BCAR3: variants seen among roughly 807,000 people sequenced by gnomAD.
The protein encoded by BCAR3 is BCAR3 adaptor protein, NSP family member, also known as breast cancer anti-estrogen resistance protein 3.
In BCAR3, 37 loss-of-function variants were observed where a neutral mutation model predicts 80.1. The observed-to-expected ratio is 0.46, with a 90% CI of 0.36 to 0.61. BCAR3 has a LOEUF of 0.61. Among genes scored for constraint, BCAR3 ranks in the 20% least tolerant of loss-of-function variants. The pLI is 0.00. For missense variants in BCAR3, 978 were observed against 1,068.2 expected (o/e 0.92, Z 1.18); for synonymous variants, 389 against 418.9 (o/e 0.93, Z 0.87).
At chr1:93,708,988 T>C (rs1042340610) in intron 2 of BCAR3, among the ~76,000 whole-genome samples, 1 of 152,090 alleles carries the variant, frequency 6.6e-6, no homozygotes, top group African/African-American at 2.4e-5. Flanking sequence ...CTCACAACTT[T>C]CATATCAGGA....
At chr1:93,644,724 C>T (rs1211183895) in intron 2 of BCAR3, among the ~76,000 whole-genome samples, 4 of 152,102 alleles carry the variant, frequency 2.6e-5, no homozygotes, top group African/African-American at 9.7e-5. Context: ...GACTCAGGAC[C>T]CTGAAGGAGT....
chr1:93,669,307 T>C (rs1156816016), intron 2 of BCAR3, among the ~76,000 whole-genome samples: 1 of 152,216 alleles, frequency 6.6e-6, no homozygotes, highest in African/African-American at 2.4e-5. Context: ...AGCCCAGAGT[T>C]AGGGCTTTAA....
At chr1:93,659,691 A>G (rs191007951) in intron 2 of BCAR3, among the ~76,000 whole-genome samples, 2 of 152,170 alleles carry the variant, frequency 1.3e-5, no homozygotes, top group Admixed American at 1.3e-4. Flanking sequence ...GTCTTGCCCA[A>G]CTCACCAGCC....
At chr1:93,787,251 T>C (rs1401296761) in intron 2 of BCAR3, among the ~76,000 whole-genome samples, 1 of 152,158 alleles carries the variant, frequency 6.6e-6, no homozygotes, top group East Asian at 1.9e-4. Context: ...CTTGAAGGAA[T>C]GGAGGAAAAG....
chr1:93,642,374 G>T, intron 2 of BCAR3, 31 bp from the exon 3 acceptor site: 1 of 1,587,292 alleles, frequency 6.3e-7, no homozygotes, highest in Non-Finnish European at 8.7e-7. Flanking sequence ...TATGAGAATG[G>T]TTGGGAACGA....
intron 11 of BCAR3, 132 bp downstream of exon 11, chr1:93,567,147 T>C (rs1040773333): frequency 1.1e-5 from 12 of 1,118,106 alleles, no homozygotes; most frequent in African/African-American, 4.7e-5. Flanking sequence ...ACTAGCCATA[T>C]AGGAAATGGA....
chr1:93,764,654 C>T (rs1187175439), intron 2 of BCAR3, among the ~76,000 whole-genome samples: 1 of 152,194 alleles, frequency 6.6e-6, no homozygotes, highest in Non-Finnish European at 1.5e-5. Flanking sequence ...CTCCCCATGA[C>T]ACCAAGCCTG....
At chr1:93,838,068 A>G (rs1440190893) in intron 2 of BCAR3, among the ~76,000 whole-genome samples, 1 of 152,206 alleles carries the variant, frequency 6.6e-6, no homozygotes, top group African/African-American at 2.4e-5. Context: ...GATCATCCAG[A>G]GAAATGGGGG....
intron 2 of BCAR3, among the ~76,000 whole-genome samples, chr1:93,650,948 C>A (rs1192335424): frequency 6.6e-6 from 1 of 152,104 alleles, no homozygotes; most frequent in Non-Finnish European, 1.5e-5. Context: ...AGATTAAAAA[C>A]CATGAATGAA....
chr1:93,585,064 C>T (rs758880795), intron 5 of BCAR3: 20 of 985,298 alleles, frequency 2.0e-5, no homozygotes, highest in South Asian at 4.7e-5. Flanking sequence ...AAGACAAGAC[C>T]GAGGGCAAAT....
chr1:93,678,714 C>A lies in BCAR3; in HGVS notation c.-12+2884G>T, dbSNP rs931697886. Among the ~76,000 whole-genome samples, 3 of 152,116 alleles carry A rather than the reference C, an allele frequency of 2.0e-5. No homozygotes were observed. The South Asian group carries it at 6.2e-4, about 32-fold the overall frequency. ...AAGGATGACTGTTGCGGGTGGAGAG[C>A]TACTTTACATTAGGGTGGACTGGGA... On this transcript the variant is annotated intron_variant, in intron 1 of 11. Transcript: ENST00000260502.
chr1:93,777,258 A>G (rs970444131), intron 2 of BCAR3, among the ~76,000 whole-genome samples: 1 of 152,208 alleles, frequency 6.6e-6, no homozygotes, highest in Non-Finnish European at 1.5e-5. Flanking sequence ...TTTGTGGTAC[A>G]TTGTTATGGC....
intron 2 of BCAR3, among the ~76,000 whole-genome samples, chr1:93,833,832 G>A (rs1282503365): frequency 6.6e-6 from 1 of 152,122 alleles, no homozygotes; most frequent in Non-Finnish European, 1.5e-5. Flanking sequence ...AGGGTCCTGA[G>A]GTGACATATA....
intron 9 of BCAR3, among the ~76,000 whole-genome samples, chr1:93,570,123 ATAATT>A (rs1673149642): frequency 6.6e-6 from 1 of 152,152 alleles, no homozygotes; most frequent in Non-Finnish European, 1.5e-5. Context: ...CTTCTGAAAT[ATAATT>A]AGAATTGACC....
intron 9 of BCAR3, among the ~76,000 whole-genome samples, chr1:93,569,229 C>T (rs1326051164): frequency 5.3e-5 from 8 of 152,240 alleles, no homozygotes; most frequent in Admixed American, 3.9e-4. Flanking sequence ...TTCACAATGC[C>T]CTTTAAGACA....
chr1:93,733,982 C>T (rs1650892009), intron 2 of BCAR3, among the ~76,000 whole-genome samples: 1 of 152,190 alleles, frequency 6.6e-6, no homozygotes, highest in South Asian at 2.1e-4. Context: ...TATTGGATTT[C>T]TATAGGGAGA....
At chr1:93,747,288 T>C (rs1557674341) in intron 2 of BCAR3, among the ~76,000 whole-genome samples, 1 of 147,906 alleles carries the variant, frequency 6.8e-6, no homozygotes, top group African/African-American at 2.7e-5. Flanking sequence ...GTAGGCTCTG[T>C]TCAGGTGAGG....
chr1:93,621,533 C>A (rs1199806459), intron 3 of BCAR3, among the ~76,000 whole-genome samples: 2 of 152,170 alleles, frequency 1.3e-5, no homozygotes, highest in African/African-American at 2.4e-5. Context: ...TGATAAAGCA[C>A]CCTGGCTGGC....
At chr1:93,645,451 C>T (rs1205840423) in intron 2 of BCAR3, among the ~76,000 whole-genome samples, 2 of 152,044 alleles carry the variant, frequency 1.3e-5, no homozygotes, top group Admixed American at 6.6e-5. Flanking sequence ...ACCCTAGGGT[C>T]GACCTGCAAA....
Sources: allele counts gnomAD v4.1 joint callset (sites outside exome capture counted in the v4.1 genomes callset), GRCh38; gene constraint gnomAD v4.1.1; transcripts MANE v1.5; gene names NCBI Gene and HGNC (gene_info 2026-07-23, HGNC 2026-07-21).